Variants in PAX3 observed in about 807,000 individuals in gnomAD.
PAX3 encodes paired box protein Pax-3.
In PAX3, 14 loss-of-function variants were observed where a neutral mutation model predicts 51.6. The ratio of observed to expected loss-of-function variants is 0.27; its 90% CI spans 0.18 to 0.42. The LOEUF (loss-of-function observed/expected upper bound fraction) is 0.42. PAX3 is among the 10% of genes least tolerant of loss of function. The probability of loss-of-function intolerance (pLI) is 1.00; values close to 1 mark genes in which losing one functional copy is unlikely to be tolerated. For missense variants in PAX3, 540 were observed against 642.8 expected (o/e 0.84, Z 1.73); for synonymous variants, 280 against 253.4 (o/e 1.11, Z -1.00).
Position 222,265,691 on chromosome 2 carries a change from G to GAAGGAAGGAAGGAAGGAAGA in PAX3, c.586+28475_586+28476insTCTTCCTTCCTTCCTTCCTT, listed in dbSNP as rs1553583540. Among the ~76,000 whole-genome samples the GAAGGAAGGAAGGAAGGAAGA allele has an allele frequency of 6.5e-4, 93 of 142,138 alleles. 3 individuals are homozygous for GAAGGAAGGAAGGAAGGAAGA. The South Asian group carries it at 8.6e-3, about 13-fold the overall frequency. The allele number at this position is 142,138 out of a possible 152,430, so 93.2% of individuals were successfully genotyped here. A position where few individuals can be genotyped will look rare whatever the true frequency, so the allele number is the denominator to read the frequency against. ...GGAAGGAAGGAAGGAAGGAAGGAAGGGAGAAAGATTGATTTTGATTTTTCC... is the reference window on the plus strand; with the variant it reads ...GGAAGGAAGGAAGGAAGGAAGGAAGGAAGGAAGGAAGGAAGGAAGAGAGAAAGATTGATTTTGATTTTTCC... On this transcript the variant is annotated intron_variant, in intron 4 of 8. Coordinates refer to ENST00000392070, the MANE Select transcript of PAX3 (RefSeq NM_181458.4).
chr2:222,295,144 C>G (rs1404457886), intron 3 of PAX3, among the ~76,000 whole-genome samples: 2 of 152,224 alleles, frequency 1.3e-5, no homozygotes, highest in South Asian at 2.1e-4. Flanking sequence ...CACGGCTTTG[C>G]GCACACGGCA....
intron 2 of PAX3, among the ~76,000 whole-genome samples, chr2:222,296,415 A>C (rs1489167019): frequency 6.6e-6 from 1 of 152,198 alleles, no homozygotes; most frequent in Non-Finnish European, 1.5e-5. Context: ...AAACAGAACC[A>C]AAAATAATTT....
chr2:222,297,319 T>A, intron 1 of PAX3, 106 bp from the exon 2 acceptor site: 1 of 841,156 alleles, frequency 1.2e-6, no homozygotes, highest in Non-Finnish European at 2.0e-6. Flanking sequence ...ATCCTCATGT[T>A]ACAGCACCGA....
intron 4 of PAX3, among the ~76,000 whole-genome samples, chr2:222,271,516 C>T (rs998801330): frequency 2.0e-5 from 3 of 152,166 alleles, no homozygotes; most frequent in African/African-American, 7.2e-5. Context: ...TTTGCACTTC[C>T]TAAAGTATTT....
intron 4 of PAX3, among the ~76,000 whole-genome samples, chr2:222,286,897 A>G (rs1049110413): frequency 2.6e-5 from 4 of 152,374 alleles, no homozygotes; most frequent in African/African-American, 7.2e-5. Flanking sequence ...TCTCCCTTTG[A>G]CAATGGTGAA....
At chr2:222,217,564 G>C (rs16863514) in intron 7 of PAX3, among the ~76,000 whole-genome samples, 1,896 of 152,104 alleles carry the variant, frequency 0.012, 42 homozygotes, top group African/African-American at 0.042. Flanking sequence ...CAGAGGTAGA[G>C]GAAGTAGAAG....
intron 4 of PAX3, among the ~76,000 whole-genome samples, chr2:222,250,547 A>T (rs1010092217): frequency 6.6e-6 from 1 of 152,222 alleles, no homozygotes; most frequent in South Asian, 2.1e-4. Context: ...CATGGGCCAG[A>T]CATAGGCCAA....
chr2:222,204,889 C>T (rs1400693487), intron 7 of PAX3, among the ~76,000 whole-genome samples: 1 of 152,086 alleles, frequency 6.6e-6, no homozygotes, highest in Admixed American at 6.6e-5. Flanking sequence ...ACTTGATGAG[C>T]TCAGAGCAGA....
At chr2:222,254,910 G>C (rs1693581004) in intron 4 of PAX3, among the ~76,000 whole-genome samples, 1 of 152,086 alleles carries the variant, frequency 6.6e-6, no homozygotes, top group Admixed American at 6.5e-5. Context: ...AGCCTCCCAA[G>C]TAGCTGGTAT....
At chr2:222,246,886 C>G (rs1693248271) in intron 4 of PAX3, among the ~76,000 whole-genome samples, 1 of 152,120 alleles carries the variant, frequency 6.6e-6, no homozygotes, top group Non-Finnish European at 1.5e-5. Flanking sequence ...AAGCACTACT[C>G]CTTTTGATTT....
chr2:222,261,405 A>T (rs1693856418), intron 4 of PAX3, among the ~76,000 whole-genome samples: 1 of 152,226 alleles, frequency 6.6e-6, no homozygotes, highest in South Asian at 2.1e-4. Context: ...AGGAAAAAAA[A>T]TCTAAATACC....
At chr2:222,270,767 C>A (rs1694225247) in intron 4 of PAX3, among the ~76,000 whole-genome samples, 1 of 152,196 alleles carries the variant, frequency 6.6e-6, no homozygotes. Flanking sequence ...TTGCCCAAAT[C>A]CAAACCCTTA....
At position 222,217,307 on chromosome 2, in the gene PAX3, A is replaced by G. The variant is rs575598722; in HGVS notation, c.1173+2833T>C. Among the ~76,000 whole-genome samples the G allele has an allele frequency of 3.3e-5, 5 of 152,338 alleles. No individual in the cohort carries two copies. The South Asian group carries it at 8.3e-4, about 25-fold the overall frequency. ...AAAAAGAGCATAAATTGACCTGAACAGAAAAGTTTTAAAAAACTAGTCTCT... is the reference window on the plus strand; with the variant it reads ...AAAAAGAGCATAAATTGACCTGAACGGAAAAGTTTTAAAAAACTAGTCTCT... On this transcript the variant is annotated intron_variant, in intron 7 of 8. Transcript: ENST00000392070.
intron 5 of PAX3, among the ~76,000 whole-genome samples, chr2:222,225,799 G>A (rs1692360130): frequency 6.6e-6 from 1 of 152,178 alleles, no homozygotes; most frequent in Non-Finnish European, 1.5e-5. Flanking sequence ...CTATTAAATA[G>A]AAAGTCTCAC....
intron 4 of PAX3, among the ~76,000 whole-genome samples, chr2:222,277,425 C>T (rs1164723660): frequency 1.3e-5 from 2 of 152,210 alleles, no homozygotes; most frequent in Non-Finnish European, 2.9e-5. Flanking sequence ...TACAGGAACC[C>T]CTCCTGGGGA....
At chr2:222,232,016 GA>G (rs1294004865) in intron 5 of PAX3, 61 bp downstream of exon 5, 1 of 1,464,892 alleles carries the variant, frequency 6.8e-7, no homozygotes, top group Admixed American at 1.7e-5. Flanking sequence ...TTTTAGATGA[GA>G]AGATGCTTGT....
Position 222,298,805 on chromosome 2 carries a change from G to T in PAX3, c.-190C>A. On this transcript the variant is annotated 5_prime_UTR_variant, in exon 1 of 9. Transcript: ENST00000392070. Reference sequence around the variant, plus strand: ...TCCAGAGGCCGGAGCTGGAACCCGGGAAAGGGGAGGACGGGGAGGCCCCGG... The same window carrying T: ...TCCAGAGGCCGGAGCTGGAACCCGGTAAAGGGGAGGACGGGGAGGCCCCGG... The T allele has an allele frequency of 1.6e-6, 1 of 633,434 alleles. No individual in the cohort carries two copies. Among genetic ancestry groups the T allele is most frequent in the Non-Finnish European group, 2.8e-6 (1 of 353,424 alleles). The allele number at this position is 633,434 out of a possible 1,614,324, so 39.2% of individuals were successfully genotyped here.
At chr2:222,254,777 A>C (rs1044472042) in intron 4 of PAX3, among the ~76,000 whole-genome samples, 1 of 152,008 alleles carries the variant, frequency 6.6e-6, no homozygotes, top group African/African-American at 2.4e-5. Context: ...TAAGCTTTAC[A>C]TTTTCTATTC....
At chr2:222,291,045 G>C (rs981300351) in intron 4 of PAX3, among the ~76,000 whole-genome samples, 1 of 152,128 alleles carries the variant, frequency 6.6e-6, no homozygotes, top group African/African-American at 2.4e-5. Context: ...GAGCCGGCCA[G>C]AGAGTAGGGG....
Sources: allele counts gnomAD v4.1 joint callset (sites outside exome capture counted in the v4.1 genomes callset), GRCh38; gene constraint gnomAD v4.1.1; transcripts MANE v1.5; gene names NCBI Gene and HGNC (gene_info 2026-07-23, HGNC 2026-07-21).